Variants in IGF2BP2 observed in about 807,000 individuals in gnomAD.
IGF2BP2 encodes the protein insulin like growth factor 2 mRNA binding protein 2, also known as insulin-like growth factor 2 mRNA-binding protein 2.
IGF2BP2 carries 17 observed loss-of-function variants against 75.8 expected under a neutral mutation model. The observed-to-expected ratio is 0.22, with a 90% CI of 0.15 to 0.34. IGF2BP2 has a LOEUF of 0.34. Among genes scored for constraint, IGF2BP2 ranks in the 10% least tolerant of loss-of-function variants. The probability of loss-of-function intolerance (pLI) is 1.00; values close to 1 mark genes in which losing one functional copy is unlikely to be tolerated. For synonymous variants in IGF2BP2, 288 were observed against 295.6 expected (o/e 0.97, Z 0.26); for missense variants, 516 against 772.4 (o/e 0.67, Z 3.93).
At chr3:185,822,107 T>G (rs962649919) in intron 2 of IGF2BP2, among the ~76,000 whole-genome samples, 1 of 152,194 alleles carries the variant, frequency 6.6e-6, no homozygotes, top group East Asian at 1.9e-4. Context: ...TCTGGAAATG[T>G]GGCACACAAT....
intron 10 of IGF2BP2, among the ~76,000 whole-genome samples, chr3:185,666,003 TAGA>T (rs1560253787): frequency 1.1e-4 from 2 of 17,394 alleles, no homozygotes; most frequent in African/African-American, 2.8e-4. Flanking sequence ...GATAGGTACA[TAGA>T]TAGATAGATA....
chr3:185,646,196 C>G (rs956486946), intron 15 of IGF2BP2, among the ~76,000 whole-genome samples: 3 of 152,148 alleles, frequency 2.0e-5, no homozygotes, highest in Admixed American at 2.0e-4. Context: ...AGCTGGGAGA[C>G]AGCAGACAGG....
chr3:185,805,366 A>G (rs1738879355), intron 2 of IGF2BP2, among the ~76,000 whole-genome samples: 2 of 152,184 alleles, frequency 1.3e-5, no homozygotes, highest in Admixed American at 6.5e-5. Context: ...GGGCTGGGAA[A>G]GACTGCCTGG....
chr3:185,819,640 T>C (rs761979147), intron 2 of IGF2BP2, among the ~76,000 whole-genome samples: 11 of 152,078 alleles, frequency 7.2e-5, no homozygotes, highest in Admixed American at 2.0e-4. Flanking sequence ...AAAGTAACCT[T>C]ACAGTTTAAT....
chr3:185,767,660 G>GA (rs1323047543), intron 2 of IGF2BP2, among the ~76,000 whole-genome samples: 13 of 151,456 alleles, frequency 8.6e-5, no homozygotes, highest in East Asian at 1.9e-4. Context: ...CTTCTACTTG[G>GA]AAAAAAAAGT....
chr3:185,664,722 G>A (rs1233613837), intron 10 of IGF2BP2, among the ~76,000 whole-genome samples: 2 of 152,134 alleles, frequency 1.3e-5, no homozygotes, highest in South Asian at 2.1e-4. Context: ...ATCAATGCAC[G>A]AGACTGTTAA....
At chr3:185,657,221 G>T in intron 12 of IGF2BP2, 65 bp downstream of exon 12, 2 of 1,109,038 alleles carry the variant, frequency 1.8e-6, no homozygotes, top group Admixed American at 1.7e-5. Flanking sequence ...GACTGAGAGG[G>T]AACAAGGGCC....
At position 185,689,382 on chromosome 3, in the gene IGF2BP2, T is replaced by C; in HGVS notation, c.650A>G (p.Lys217Arg). 1 of 1,613,810 alleles carries C rather than the reference T, an allele frequency of 6.2e-7. No homozygotes were observed. The highest frequency in any genetic ancestry group is 8.5e-7 in the Non-Finnish European group (1 of 1,180,018). Residue 217 changes from lysine to arginine, a missense_variant, in exon 6 of 16, where the codon AAG (lysine) becomes AGG (arginine). Lys to Arg is a conservative substitution (Grantham distance 26, BLOSUM62 2). Coordinates refer to ENST00000382199, the MANE Select transcript of IGF2BP2 (RefSeq NM_006548.6). ...GGACTGGGTCTGCTTAGTGATGTTC[T>C]TTATGGTCAAGCCCTCCTTTCCGAT... Reference protein sequence around the residue: ...AIIGKEGLTIKNITKQTQSRV... With the variant: ...AIIGKEGLTIRNITKQTQSRV...
chr3:185,658,423 G>C lies in IGF2BP2; in HGVS notation c.1201-14C>G. 3 of 1,612,034 alleles carry C rather than the reference G, an allele frequency of 1.9e-6. No individual in the cohort carries two copies. Among genetic ancestry groups the C allele is most frequent in the Non-Finnish European group, 2.5e-6 (3 of 1,178,564 alleles). On this transcript the variant is annotated splice_polypyrimidine_tract_variant and intron_variant, in intron 10 of 15. Coordinates refer to ENST00000382199, the MANE Select transcript of IGF2BP2 (RefSeq NM_006548.6). ...TCCGGAGTGGGTCTGCAGCATGAGA[G>C]AAAGAGTCAGTGGGCGGGTGCTCTC...
At chr3:185,800,718 A>AAAAAAAGAAAGAAAGAAAGAAAGAAAG (rs771868332) in intron 2 of IGF2BP2, among the ~76,000 whole-genome samples, 7 of 143,288 alleles carry the variant, frequency 4.9e-5, no homozygotes, top group East Asian at 4.0e-4. Context: ...GAGCCAAAAA[A>AAAAAAAGAAAGAAAGAAAGAAAGAAAG]AAAGAAAGAA....
At chr3:185,655,266 G>A (rs1384815646) in intron 12 of IGF2BP2, among the ~76,000 whole-genome samples, 1 of 152,072 alleles carries the variant, frequency 6.6e-6, no homozygotes, top group Admixed American at 6.6e-5. Context: ...CAAGTAGCTG[G>A]GATTACAGGC....
At chr3:185,669,327 T>C (rs1184846562) in intron 10 of IGF2BP2, among the ~76,000 whole-genome samples, 2 of 151,734 alleles carry the variant, frequency 1.3e-5, no homozygotes, top group Non-Finnish European at 2.9e-5. Flanking sequence ...GAGTGAAAAT[T>C]TGGGGGAAAA....
At chr3:185,782,741 T>C (rs748512763) in intron 2 of IGF2BP2, among the ~76,000 whole-genome samples, 10 of 152,090 alleles carry the variant, frequency 6.6e-5, no homozygotes, top group Non-Finnish European at 1.2e-4. Flanking sequence ...CTAGAATAAG[T>C]CAAAGCATGA....
intron 2 of IGF2BP2, among the ~76,000 whole-genome samples, chr3:185,720,927 G>A (rs1726432166): frequency 2.0e-5 from 3 of 152,206 alleles, no homozygotes; most frequent in Non-Finnish European, 4.4e-5. Context: ...AGCAGACACA[G>A]GGAAACGTCC....
At chr3:185,799,088 T>G (rs1737834712) in intron 2 of IGF2BP2, among the ~76,000 whole-genome samples, 2 of 151,674 alleles carry the variant, frequency 1.3e-5, no homozygotes, top group East Asian at 4.0e-4. Flanking sequence ...AAGTTTTTCT[T>G]TACTCAACAT....
At chr3:185,677,042 G>GATATATATATATATAT (rs1491394053) in intron 7 of IGF2BP2, among the ~76,000 whole-genome samples, 1 of 21,620 alleles carries the variant, frequency 4.6e-5, no homozygotes, top group African/African-American at 2.2e-4. Flanking sequence ...TATATATATG[G>GATATATATATATATAT]AGATATATAT....
intron 2 of IGF2BP2, among the ~76,000 whole-genome samples, chr3:185,731,851 G>A (rs1253713067): frequency 6.6e-6 from 1 of 151,926 alleles, no homozygotes; most frequent in East Asian, 2.0e-4. Flanking sequence ...GCGTCGGGGC[G>A]GGTGCCTGTA....
intron 2 of IGF2BP2, among the ~76,000 whole-genome samples, chr3:185,745,922 T>C (rs1276376137): frequency 6.6e-6 from 1 of 151,528 alleles, no homozygotes; most frequent in Non-Finnish European, 1.5e-5. Flanking sequence ...TGGTGGGTGG[T>C]CTGAAAGTTT....
At position 185,644,969 on chromosome 3, in the gene IGF2BP2, G is replaced by C. The variant is rs1414979394; in HGVS notation, c.*562C>G. 2.6e-5 allele frequency: 4 copies of C among 152,240 alleles called. No homozygotes were observed. The highest frequency in any genetic ancestry group is 9.6e-5 in the African/African-American group (4 of 41,466). The allele number at this position is 152,240 out of a possible 1,614,324, so 9.4% of individuals were successfully genotyped here. A position where few individuals can be genotyped will look rare whatever the true frequency, so the allele number is the denominator to read the frequency against. The stretch of plus-strand genomic sequence containing the variant: ...CAAAGACTTTATTCTTTAAAGTCTA[G>C]AAAAGCCTGCTTTCTCTTTAAAAAG... On this transcript the variant is annotated 3_prime_UTR_variant, in exon 16 of 16. Coordinates refer to ENST00000382199, the MANE Select transcript of IGF2BP2 (RefSeq NM_006548.6).
Sources: allele counts gnomAD v4.1 joint callset (sites outside exome capture counted in the v4.1 genomes callset), GRCh38; gene constraint gnomAD v4.1.1; transcripts MANE v1.5; gene names NCBI Gene and HGNC (gene_info 2026-07-23, HGNC 2026-07-21).